TNRC6B: variants seen among roughly 807,000 people sequenced by gnomAD.
TNRC6B encodes the protein trinucleotide repeat-containing gene 6B protein.
In TNRC6B, 52 loss-of-function variants were observed where a neutral mutation model predicts 203.6. That is an observed-to-expected ratio of 0.26 (90% CI 0.20 to 0.32). The LOEUF is 0.32. TNRC6B is among the 10% of genes least tolerant of loss of function. The pLI is 1.00. For synonymous variants in TNRC6B, 838 were observed against 845.7 expected, an observed-to-expected ratio of 0.99 and a Z score of 0.16; for missense variants, 1,923 against 2,286.2, an observed-to-expected ratio of 0.84 and a Z score of 3.24.
chr22:40,126,964 A>G (rs996903233), intron 3 of TNRC6B, among the ~76,000 whole-genome samples: 5 of 150,930 alleles, frequency 3.3e-5, no homozygotes, highest in African/African-American at 9.7e-5. Flanking sequence ...TTTTCAATCT[A>G]GAGCCTAAGG....
Position 40,329,879 on chromosome 22 carries a change from G to A in TNRC6B, c.*6638G>A, listed in dbSNP as rs2071446828. The stretch of plus-strand genomic sequence containing the variant: ...TCCCTTTTCAGTTAGCTATATACCT[G>A]AATTTGTTTTTAACAAGAAACTGTA... On this transcript the variant is annotated 3_prime_UTR_variant, in exon 23 of 23. Coordinates refer to ENST00000454349, the MANE Select transcript of TNRC6B (RefSeq NM_001162501.2). The A allele has an allele frequency of 1.3e-5, 2 of 152,160 alleles. No homozygotes were observed. The highest frequency in any genetic ancestry group is 4.8e-5 in the African/African-American group (2 of 41,410). 9.4% of individuals were successfully genotyped at this position (152,160 alleles called of 1,614,324 possible).
rs768921915 is a variant in TNRC6B, at chr22:40,322,927, G to T, written c.5188G>T (p.Ala1730Ser). 1.9e-6 allele frequency: 3 copies of T among 1,613,720 alleles called. No homozygotes were observed. The highest frequency in any genetic ancestry group is 2.5e-6 in the Non-Finnish European group (3 of 1,179,828). Residue 1730 changes from alanine to serine, a missense_variant, in exon 23 of 23, where the codon GCT becomes TCT. By Grantham distance (99) the Ala-to-Ser change is moderately conservative. This residue lies in a region of TNRC6B where 126 missense variants were observed against 137.5 expected (regional missense o/e 0.92). Transcript: ENST00000454349. ...TGAAGTCAGCCGCTTTCTGGCACAA[G>T]CTCAGCCCCCTACACCTGCAGCAAC... ...DDEVSRFLAQ[A>S]QPPTPAATPS... is the part of the protein sequence containing the mutation.
intron 1 of TNRC6B, among the ~76,000 whole-genome samples, chr22:40,104,901 A>G (rs908082513): frequency 2.0e-5 from 3 of 152,192 alleles, no homozygotes; most frequent in African/African-American, 7.2e-5. Flanking sequence ...TGAATGGTAG[A>G]CCTGGAATTT....
intron 3 of TNRC6B, among the ~76,000 whole-genome samples, chr22:40,152,617 C>T (rs188502101): frequency 2.4e-4 from 36 of 152,064 alleles, no homozygotes; most frequent in South Asian, 4.2e-4. Context: ...CGTGAGCCAT[C>T]GCACCCGGCC....
intron 3 of TNRC6B, among the ~76,000 whole-genome samples, chr22:40,256,401 C>A (rs5757896): frequency 6.6e-6 from 1 of 152,212 alleles, no homozygotes; most frequent in Non-Finnish European, 1.5e-5. Context: ...ATTTGCCATT[C>A]TCCAGTCAAA....
At chr22:40,139,292 G>A (rs1038376746) in intron 3 of TNRC6B, among the ~76,000 whole-genome samples, 8 of 151,306 alleles carry the variant, frequency 5.3e-5, no homozygotes, top group African/African-American at 1.9e-4. Flanking sequence ...TCCTTTGAAT[G>A]GCTGAATAAT....
At chr22:40,115,875 C>T (rs928692088) in intron 1 of TNRC6B, among the ~76,000 whole-genome samples, 3 of 151,996 alleles carry the variant, frequency 2.0e-5, no homozygotes, top group Non-Finnish European at 2.9e-5. Context: ...ATTTAGGTGG[C>T]GAGATACCCA....
intron 1 of TNRC6B, among the ~76,000 whole-genome samples, chr22:40,239,566 G>A (rs1163492992): frequency 2.0e-5 from 3 of 152,230 alleles, no homozygotes; most frequent in Non-Finnish European, 4.4e-5. Flanking sequence ...GGGCATTAAA[G>A]AGGATGGTTT....
chr22:40,074,851 G>A lies in TNRC6B; in HGVS notation c.-121+29853G>A, dbSNP rs572107219. Among the ~76,000 whole-genome samples the A allele has an allele frequency of 8.6e-5, 13 of 151,950 alleles. No individual in the cohort carries two copies. The East Asian group carries it at 1.2e-3, about 14-fold the overall frequency. On this transcript the variant is annotated intron_variant, in intron 1 of 23. Transcript: ENST00000301923. ...TGTGTGCCTGTATTTCCAGCTACTC[G>A]GGAGGCTTAGGTGGGAGGATTGCTT...
At chr22:40,315,145 G>C in intron 19 of TNRC6B, 138 bp from the exon 20 acceptor site, 2 of 706,410 alleles carry the variant, frequency 2.8e-6, no homozygotes, top group Non-Finnish European at 4.8e-6. Flanking sequence ...TTGTATTGCT[G>C]TGCTTAAAAT....
At chr22:40,061,261 C>G (rs2067848468) in intron 1 of TNRC6B, among the ~76,000 whole-genome samples, 1 of 152,172 alleles carries the variant, frequency 6.6e-6, no homozygotes, top group Non-Finnish European at 1.5e-5. Flanking sequence ...GTTGCTCGGG[C>G]TGGAGTGCAA....
chr22:40,267,144 C>A, intron 5 of TNRC6B, 108 bp downstream of exon 5: 2 of 1,178,722 alleles, frequency 1.7e-6, no homozygotes, highest in Non-Finnish European at 2.3e-6. Flanking sequence ...GAGATGCTTT[C>A]CTACAGTTTC....
At chr22:40,311,324 A>G (rs1601514083) in intron 17 of TNRC6B, among the ~76,000 whole-genome samples, 1 of 152,192 alleles carries the variant, frequency 6.6e-6, no homozygotes, top group African/African-American at 2.4e-5. Flanking sequence ...GCTTCTAGGT[A>G]TGCAGTAGCG....
rs888446567 is a variant in TNRC6B at position 40,324,326 on chromosome 22, C to G, written c.*1085C>G. On this transcript the variant is annotated 3_prime_UTR_variant, in exon 23 of 23. Transcript: ENST00000454349. ...TTTTTAAGTGAATGGCCACCAGGCA[C>G]ATCTGAGTATCTGTTAAGTTTCATG... is the stretch of plus-strand genomic sequence containing the variant. 1 of 151,670 alleles carries G rather than the reference C, an allele frequency of 6.6e-6. No individual in the cohort carries two copies. Among genetic ancestry groups the G allele is most frequent in the African/African-American group, 2.4e-5 (1 of 41,014 alleles). The allele number at this position is 151,670 out of a possible 1,614,324, so 9.4% of individuals were successfully genotyped here.
chr22:40,154,623 G>A (rs190628691), intron 3 of TNRC6B, among the ~76,000 whole-genome samples: 49 of 150,830 alleles, frequency 3.2e-4, no homozygotes, highest in Admixed American at 2.7e-3. Context: ...GGTGGATCAC[G>A]AGATCAGGAG....
At chr22:40,311,867 C>G (rs926524488) in intron 17 of TNRC6B, among the ~76,000 whole-genome samples, 1 of 152,132 alleles carries the variant, frequency 6.6e-6, no homozygotes, top group Non-Finnish European at 1.5e-5. Flanking sequence ...TAATGCAGAT[C>G]GTTCATATAT....
chr22:40,154,992 C>T (rs1033055367), intron 3 of TNRC6B, among the ~76,000 whole-genome samples: 2 of 143,736 alleles, frequency 1.4e-5, no homozygotes, highest in African/African-American at 2.6e-5. Flanking sequence ...TCTTTTGTGA[C>T]TTGCTTCCTT....
intron 1 of TNRC6B, among the ~76,000 whole-genome samples, chr22:40,084,911 C>G (rs2068089255): frequency 6.6e-6 from 1 of 152,202 alleles, no homozygotes; most frequent in Non-Finnish European, 1.5e-5. Flanking sequence ...TGGTCCTTGC[C>G]TCCTGGTATC....
chr22:40,329,031 A>C lies in TNRC6B; in HGVS notation c.*5790A>C, dbSNP rs901667210. Reference sequence around the variant, plus strand: ...CTTAGTGTTACTGCAAAAAAAAAAAACAAAAACAAAACAAAAAAAAGCCTT... The same window carrying C: ...CTTAGTGTTACTGCAAAAAAAAAAACCAAAAACAAAACAAAAAAAAGCCTT... On this transcript the variant is annotated 3_prime_UTR_variant, in exon 23 of 23. Transcript: ENST00000454349. 1.3e-5 allele frequency: 2 copies of C among 150,476 alleles called. No individual in the cohort carries two copies. Among genetic ancestry groups the C allele is most frequent in the African/African-American group, 5.0e-5 (2 of 40,214 alleles). 9.3% of individuals were successfully genotyped at this position (150,476 alleles called of 1,614,324 possible).
Sources: allele counts gnomAD v4.1 joint callset (sites outside exome capture counted in the v4.1 genomes callset), GRCh38; gene constraint gnomAD v4.1.1; regional missense constraint gnomAD v4.1.1; transcripts MANE v1.5; gene names NCBI Gene and HGNC (gene_info 2026-07-23, HGNC 2026-07-21).